The following OR9Q1 variants were observed in gnomAD, a reference collection of about 807,000 sequenced individuals.
The protein encoded by OR9Q1 is olfactory receptor 9Q1.
For missense variants in OR9Q1, 374 were observed against 378.8 expected, an observed-to-expected ratio of 0.99 and a Z score of 0.11; for synonymous variants, 153 against 148.6, an observed-to-expected ratio of 1.03 and a Z score of -0.22.
chr11:58,133,545 A>G (rs2514182), intron 2 of OR9Q1, among the ~76,000 whole-genome samples: 17,111 of 152,248 alleles, frequency 0.11, 1,512 homozygotes, highest in Admixed American at 0.24. Context: ...GGCACTTAGC[A>G]TCTTTGTGTC....
chr11:58,169,914 G>A (rs1854539179), intron 2 of OR9Q1, among the ~76,000 whole-genome samples: 1 of 151,428 alleles, frequency 6.6e-6, no homozygotes, highest in Non-Finnish European at 1.5e-5. Flanking sequence ...CCATGATCAA[G>A]CCATGGATTC....
intron 1 of OR9Q1, among the ~76,000 whole-genome samples, chr11:58,033,971 C>T (rs1433810941): frequency 6.6e-6 from 1 of 150,854 alleles, no homozygotes; most frequent in African/African-American, 2.4e-5. Context: ...GGTGGTGGCT[C>T]TGTTCAACTT....
intron 2 of OR9Q1, among the ~76,000 whole-genome samples, chr11:58,096,434 G>A (rs1475890170): frequency 6.6e-6 from 1 of 152,034 alleles, no homozygotes; most frequent in Non-Finnish European, 1.5e-5. Context: ...CTATAAATTA[G>A]TTTGCCTACT....
intron 2 of OR9Q1, among the ~76,000 whole-genome samples, chr11:58,061,914 C>A (rs1853384019): frequency 6.6e-6 from 1 of 152,186 alleles, no homozygotes; most frequent in Admixed American, 6.5e-5. Flanking sequence ...CAGCTACATG[C>A]CAGTTCGTAT....
At chr11:58,079,541 C>T (rs1853569504) in intron 2 of OR9Q1, among the ~76,000 whole-genome samples, 1 of 152,072 alleles carries the variant, frequency 6.6e-6, no homozygotes, top group South Asian at 2.1e-4. Flanking sequence ...TTTATCTCTC[C>T]ATTTCTTGAA....
At chr11:58,164,993 T>A (rs974522558) in intron 2 of OR9Q1, among the ~76,000 whole-genome samples, 1 of 152,242 alleles carries the variant, frequency 6.6e-6, no homozygotes, top group African/African-American at 2.4e-5. Flanking sequence ...CTTTCTCTGA[T>A]AACCCTATTG....
At chr11:58,141,965 G>C (rs995060843) in intron 2 of OR9Q1, among the ~76,000 whole-genome samples, 1 of 152,142 alleles carries the variant, frequency 6.6e-6, no homozygotes, top group Non-Finnish European at 1.5e-5. Context: ...ACCTCCATAT[G>C]TTTTGTAATC....
At chr11:58,030,999 T>C (rs1299835341) in intron 1 of OR9Q1, 1 of 1,614,204 alleles carries the variant, frequency 6.2e-7, no homozygotes, top group Admixed American at 1.7e-5. Context: ...GAATTTGTCA[T>C]GATGGGCTTT....
intron 2 of OR9Q1, among the ~76,000 whole-genome samples, chr11:58,134,074 G>A (rs568510420): frequency 3.7e-4 from 56 of 152,280 alleles, no homozygotes; most frequent in African/African-American, 1.3e-3. Context: ...GAAGCTGATT[G>A]GCTGAGAAGC....
intron 2 of OR9Q1, among the ~76,000 whole-genome samples, chr11:58,087,671 G>A (rs1307145262): frequency 6.6e-6 from 1 of 151,662 alleles, no homozygotes; most frequent in Non-Finnish European, 1.5e-5. Context: ...TAGATTTTAA[G>A]CCCAGCATGC....
intron 2 of OR9Q1, chr11:58,116,785 GT>G (rs1332821061): frequency 6.6e-6 from 1 of 152,134 alleles, no homozygotes; most frequent in Non-Finnish European, 1.5e-5. Context: ...AAGATATTTG[GT>G]GAATTATTTT....
At chr11:58,149,975 T>C (rs1854334392) in intron 2 of OR9Q1, among the ~76,000 whole-genome samples, 1 of 152,234 alleles carries the variant, frequency 6.6e-6, no homozygotes, top group Non-Finnish European at 1.5e-5. Flanking sequence ...TTGCATAGTG[T>C]ATACTACTTA....
At chr11:58,037,690 T>TAG (rs1232679301) in intron 1 of OR9Q1, among the ~76,000 whole-genome samples, 31 of 9,352 alleles carry the variant, frequency 3.3e-3, no homozygotes, top group African/African-American at 6.7e-3. Context: ...TATATATATA[T>TAG]TTTTTTTTTT....
intron 2 of OR9Q1, chr11:58,117,564 G>A (rs780012133): frequency 3.3e-5 from 5 of 152,192 alleles, no homozygotes; most frequent in Non-Finnish European, 5.9e-5. Context: ...TTACAGTCTG[G>A]TACAGGAGTC....
intron 2 of OR9Q1, among the ~76,000 whole-genome samples, chr11:58,175,363 C>T (rs1471542346): frequency 1.3e-5 from 2 of 152,128 alleles, no homozygotes; most frequent in Admixed American, 6.5e-5. Context: ...TATGTGCTGA[C>T]CCCCTTTCCT....
intron 2 of OR9Q1, among the ~76,000 whole-genome samples, chr11:58,141,949 C>A (rs1207509036): frequency 6.6e-6 from 1 of 152,100 alleles, no homozygotes. Flanking sequence ...TCCCAAAGAC[C>A]TGAAAACCTC....
intron 2 of OR9Q1, among the ~76,000 whole-genome samples, chr11:58,075,796 G>A (rs1175286381): frequency 6.6e-6 from 1 of 152,170 alleles, no homozygotes; most frequent in Admixed American, 6.5e-5. Flanking sequence ...TGATGGCATG[G>A]GATGCAGGTA....
chr11:58,109,764 G>A (rs1853881448), intron 2 of OR9Q1: 1 of 359,716 alleles, frequency 2.8e-6, no homozygotes, highest in South Asian at 2.2e-5. Flanking sequence ...AAATGTCCCA[G>A]CCTCTGCTCA....
At chr11:58,061,071 G>GAAT (rs1178436948) in intron 2 of OR9Q1, among the ~76,000 whole-genome samples, 3 of 152,188 alleles carry the variant, frequency 2.0e-5, no homozygotes, top group Admixed American at 2.0e-4. Context: ...GTGCATGAGT[G>GAAT]AATGCCTGTT....
Sources: allele counts gnomAD v4.1 joint callset (sites outside exome capture counted in the v4.1 genomes callset), GRCh38; gene constraint gnomAD v4.1.1; transcripts MANE v1.5; gene names NCBI Gene and HGNC (gene_info 2026-07-23, HGNC 2026-07-21).